The following DLEU7 variants were observed in gnomAD, a reference collection of about 807,000 sequenced individuals.
DLEU7 encodes the protein leukemia-associated protein 7.
Under a neutral mutation model 16.0 loss-of-function variants are expected in DLEU7, and 17 were observed. The ratio of observed to expected loss-of-function variants is 1.06; its 90% CI spans 0.73 to 1.59. The LOEUF (loss-of-function observed/expected upper bound fraction) is 1.59, where lower values mean the gene tolerates loss of function less well. Ranked by LOEUF, DLEU7 falls within the 40% of genes most tolerant of loss-of-function variation. The pLI is 0.00. For missense variants in DLEU7, 308 were observed against 314.9 expected (o/e 0.98, Z 0.17); for synonymous variants, 113 against 139.8 (o/e 0.81, Z 1.35).
chr13:50,730,958 G>A (rs1873896245), intron 1 of DLEU7, among the ~76,000 whole-genome samples: 1 of 152,124 alleles, frequency 6.6e-6, no homozygotes, highest in Non-Finnish European at 1.5e-5. Flanking sequence ...CATAACAAAA[G>A]GATCAGAGGC....
At chr13:50,733,351 T>C (rs1007400038) in intron 1 of DLEU7, among the ~76,000 whole-genome samples, 1 of 152,224 alleles carries the variant, frequency 6.6e-6, no homozygotes, top group Non-Finnish European at 1.5e-5. Flanking sequence ...TCTCCCTAGA[T>C]GAATTGAATG....
intron 1 of DLEU7, among the ~76,000 whole-genome samples, chr13:50,833,371 T>A (rs1877341431): frequency 6.6e-6 from 1 of 152,210 alleles, no homozygotes; most frequent in Non-Finnish European, 1.5e-5. Context: ...AAAATCAATG[T>A]GCAAAAATCA....
intron 1 of DLEU7, among the ~76,000 whole-genome samples, chr13:50,842,501 C>T (rs1404777285): frequency 6.6e-6 from 1 of 152,198 alleles, no homozygotes; most frequent in Admixed American, 6.5e-5. Flanking sequence ...CTGCTCCCTT[C>T]CCGGGCTAAA....
At chr13:50,794,523 C>T (rs1876055810) in intron 1 of DLEU7, among the ~76,000 whole-genome samples, 1 of 152,164 alleles carries the variant, frequency 6.6e-6, no homozygotes, top group Admixed American at 6.6e-5. Flanking sequence ...CTTACTACTT[C>T]AGGTTGCCAG....
At chr13:50,735,473 G>T (rs1050871381) in intron 1 of DLEU7, among the ~76,000 whole-genome samples, 5 of 151,764 alleles carry the variant, frequency 3.3e-5, no homozygotes, top group Admixed American at 6.6e-5. Flanking sequence ...AATTAAATTA[G>T]AAATCAACAA....
intron 1 of DLEU7, among the ~76,000 whole-genome samples, chr13:50,841,648 T>G (rs1305186544): frequency 6.6e-6 from 1 of 151,716 alleles, no homozygotes; most frequent in Non-Finnish European, 1.5e-5. Context: ...GAGGATCACT[T>G]GAGCCCAGGG....
intron 1 of DLEU7, among the ~76,000 whole-genome samples, chr13:50,773,930 A>G (rs1325555388): frequency 6.6e-6 from 1 of 151,998 alleles, no homozygotes; most frequent in Non-Finnish European, 1.5e-5. Flanking sequence ...CACCAGTTTG[A>G]GCTTCCAGGC....
At chr13:50,712,986 G>A in exon 2 of DLEU7, 2 of 536,430 alleles carry the variant, frequency 3.7e-6, no homozygotes, top group East Asian at 6.0e-5. Flanking sequence ...AGGTGAGAGA[G>A]GATAAAGAAA....
intron 1 of DLEU7, among the ~76,000 whole-genome samples, chr13:50,808,348 C>T (rs1876455636): frequency 6.6e-6 from 1 of 152,078 alleles, no homozygotes; most frequent in South Asian, 2.1e-4. Flanking sequence ...TATTCATTTT[C>T]TATCATTATT....
chr13:50,789,745 A>G (rs1276499611), intron 1 of DLEU7, among the ~76,000 whole-genome samples: 1 of 152,144 alleles, frequency 6.6e-6, no homozygotes, highest in Admixed American at 6.5e-5. Context: ...GTTTTGTTCT[A>G]ACTTTTCATA....
chr13:50,726,364 C>A lies in DLEU7; in HGVS notation c.460-13124G>T, dbSNP rs796415154. On this transcript the variant is annotated intron_variant, in intron 1 of 1. Coordinates refer to the DLEU7 transcript ENST00000400393. The surrounding 1 kb of genome is among the most constrained non-coding windows in gnomAD (Gnocchi z 4.0). ...TTTACTTCTCCAACTTCAACAGCTTCTACCCAAATCCCCCTGGGAACCAGC... is the reference window on the plus strand; with the variant it reads ...TTTACTTCTCCAACTTCAACAGCTTATACCCAAATCCCCCTGGGAACCAGC... Among the ~76,000 whole-genome samples, 6 of 152,072 alleles carry A rather than the reference C, an allele frequency of 3.9e-5. No homozygotes were observed. Among genetic ancestry groups the A allele is most frequent in the African/African-American group, 1.4e-4 (6 of 41,510 alleles).
downstream of DLEU7, among the ~76,000 whole-genome samples, chr13:50,822,164 G>C (rs1219631461): frequency 6.6e-6 from 1 of 152,008 alleles, no homozygotes; most frequent in Non-Finnish European, 1.5e-5. Context: ...GGTCAGTTAC[G>C]TCCAAAGAGA....
rs1288869649 is a variant in DLEU7 at position 50,738,999 on chromosome 13, ACACACG to A, written c.460-25765_460-25760del. On this transcript the variant is annotated intron_variant, in intron 1 of 1. Coordinates refer to the DLEU7 transcript ENST00000400393. ...CACACACACACACACACACACACACACACACGCACACACACACAAACACTGGCCACA... is the reference window on the plus strand; with the variant it reads ...CACACACACACACACACACACACACACACACACACACAAACACTGGCCACA... 1.6e-4 allele frequency among the ~76,000 whole-genome samples: 15 copies of A among 93,306 alleles called. No individual in the cohort carries two copies. In the East Asian group the frequency reaches 1.7e-3, roughly 11 times the overall value. 61.2% of individuals were successfully genotyped at this position (93,306 alleles called of 152,430 possible). A position where few individuals can be genotyped will look rare whatever the true frequency, so the allele number is the denominator to read the frequency against.
chr13:50,793,353 C>A (rs7320482), intron 1 of DLEU7, among the ~76,000 whole-genome samples: 6 of 151,912 alleles, frequency 3.9e-5, no homozygotes, highest in East Asian at 3.9e-4. Flanking sequence ...ACATATTTTC[C>A]TTTGGGTAGA....
chr13:50,785,082 A>G (rs1331694467), intron 1 of DLEU7, among the ~76,000 whole-genome samples: 1 of 152,122 alleles, frequency 6.6e-6, no homozygotes, highest in African/African-American at 2.4e-5. Context: ...GAGTTTGCCA[A>G]TGGATAATCT....
chr13:50,801,890 C>G (rs538217833), intron 1 of DLEU7, among the ~76,000 whole-genome samples: 1 of 152,168 alleles, frequency 6.6e-6, no homozygotes, highest in East Asian at 1.9e-4. Context: ...CTCCAATTGG[C>G]CATTGTAACC....
At chr13:50,787,276 C>T (rs989144508) in intron 1 of DLEU7, among the ~76,000 whole-genome samples, 4 of 152,184 alleles carry the variant, frequency 2.6e-5, no homozygotes, top group African/African-American at 9.7e-5. Context: ...AAACACAAAG[C>T]TCAGAAATGT....
chr13:50,752,856 T>C, intron 1 of DLEU7, among the ~76,000 whole-genome samples: 1 of 152,110 alleles, frequency 6.6e-6, no homozygotes, highest in East Asian at 1.9e-4. Flanking sequence ...CCCAAGCGGG[T>C]TGCCACTGCT....
downstream of DLEU7, among the ~76,000 whole-genome samples, chr13:50,819,400 T>C (rs1876829415): frequency 1.3e-5 from 2 of 152,132 alleles, no homozygotes; most frequent in African/African-American, 4.8e-5. Flanking sequence ...GGGAAGCTAT[T>C]GGTAGAGCAG....
Sources: allele counts gnomAD v4.1 joint callset (sites outside exome capture counted in the v4.1 genomes callset), GRCh38; gene constraint gnomAD v4.1.1; non-coding constraint Gnocchi (gnomAD v3.1); transcripts MANE v1.5; gene names NCBI Gene and HGNC (gene_info 2026-07-23, HGNC 2026-07-21).